Variants in MYH15 observed in about 807,000 individuals in gnomAD.
The protein encoded by MYH15 is myosin heavy chain 15.
In MYH15, 227 loss-of-function variants were observed where a neutral mutation model predicts 240.5. The ratio of observed to expected loss-of-function variants is 0.94; its 90% CI spans 0.85 to 1.05. The LOEUF (loss-of-function observed/expected upper bound fraction) is 1.05. MYH15 is among the 50% of genes least tolerant of loss of function. The pLI, the probability that MYH15 is intolerant of heterozygous loss-of-function variation, is 0.00. For missense variants in MYH15, 2,217 were observed against 2,247.5 expected (o/e 0.99, Z 0.27); for synonymous variants, 785 against 796.7 (o/e 0.99, Z 0.25).
intron 32 of MYH15, among the ~76,000 whole-genome samples, chr3:108,407,381 T>C (rs1576213807): frequency 6.6e-6 from 1 of 152,198 alleles, no homozygotes; most frequent in Admixed American, 6.5e-5. Flanking sequence ...TGTATTTTAA[T>C]GTGTCTGAAT....
intron 16 of MYH15, among the ~76,000 whole-genome samples, chr3:108,462,457 AG>A (rs1191907775): frequency 1.3e-5 from 2 of 151,932 alleles, no homozygotes; most frequent in Non-Finnish European, 2.9e-5. Context: ...TCCTGTGAGA[AG>A]TTAAGTAGGA....
chr3:108,383,743 A>AAC lies in MYH15; in HGVS notation c.5632-15_5632-14insGT, dbSNP rs766510245. Reference sequence around the variant, plus strand: ...GGCTTGTGTTTCCTATAAAAATAAAAAAAAAAAAAAAGAAATCTCCATGCC... The same window carrying AAC: ...GGCTTGTGTTTCCTATAAAAATAAAAACAAAAAAAAAAAGAAATCTCCATGCC... On this transcript the variant is annotated splice_polypyrimidine_tract_variant and intron_variant, in intron 39 of 40. Transcript: ENST00000693548. 12 of 1,530,154 alleles carry AAC rather than the reference A, an allele frequency of 7.8e-6. No homozygotes were observed. Among genetic ancestry groups the AAC allele is most frequent in the African/African-American group, 6.0e-5 (4 of 66,654 alleles). The allele number at this position is 1,530,154 out of a possible 1,614,324, so 94.8% of individuals were successfully genotyped here. A position where few individuals can be genotyped will look rare whatever the true frequency, so the allele number is the denominator to read the frequency against.
upstream of MYH15, among the ~76,000 whole-genome samples, chr3:108,534,017 T>C (rs1020463034): frequency 3.3e-5 from 5 of 152,202 alleles, no homozygotes; most frequent in African/African-American, 4.8e-5. Flanking sequence ...CTTAAAACGA[T>C]TGACTTATAC....
intron 39 of MYH15, 75 bp from the exon 40 acceptor site, chr3:108,383,804 T>C: frequency 8.6e-7 from 1 of 1,168,162 alleles, no homozygotes; most frequent in South Asian, 1.7e-5. Flanking sequence ...TGCTCTGACA[T>C]GAGAAAGTTG....
chr3:108,437,958 A>G (rs531385291), intron 24 of MYH15, among the ~76,000 whole-genome samples: 1 of 152,328 alleles, frequency 6.6e-6, no homozygotes, highest in South Asian at 2.1e-4. Flanking sequence ...CCAACAAGAA[A>G]TGGCCAGTGA....
chr3:108,461,452 A>G lies in MYH15; in HGVS notation c.1865-1085T>C, dbSNP rs566143173. ...TCAGATCCGTCAGAAACTTGGAGGC[A>G]AGTATTTTCAGAGGGTGCTTAAAGA... On this transcript the variant is annotated intron_variant, in intron 16 of 40. Coordinates refer to ENST00000693548, the MANE Select transcript of MYH15 (RefSeq NM_014981.3). 3.3e-5 allele frequency among the ~76,000 whole-genome samples: 5 copies of G among 152,284 alleles called. No individual in the cohort carries two copies. In the East Asian group the frequency reaches 9.6e-4, roughly 29 times the overall value.
At chr3:108,383,452 G>A (rs1043926732) in intron 40 of MYH15, 143 bp downstream of exon 40, 5 of 838,478 alleles carry the variant, frequency 6.0e-6, no homozygotes, top group Non-Finnish European at 8.7e-6. Context: ...AACATGGGAA[G>A]ATTTTATTGG....
intron 7 of MYH15, among the ~76,000 whole-genome samples, chr3:108,494,830 T>A (rs977088263): frequency 5.9e-5 from 9 of 152,288 alleles, no homozygotes; most frequent in African/African-American, 2.2e-4. Flanking sequence ...GCTTTCTTCC[T>A]TTTATTTTTT....
At chr3:108,454,419 AGGGAACCT>A (rs1407798310) in intron 20 of MYH15, among the ~76,000 whole-genome samples, 1 of 152,160 alleles carries the variant, frequency 6.6e-6, no homozygotes, top group East Asian at 1.9e-4. Flanking sequence ...TCAATTGTTT[AGGGAACCT>A]GGTTTAAGTT....
At chr3:108,501,953 A>G in intron 2 of MYH15, 98 bp from the exon 3 acceptor site, 1 of 1,328,236 alleles carries the variant, frequency 7.5e-7, no homozygotes, top group South Asian at 1.3e-5. Flanking sequence ...AAAAAGAAAA[A>G]ATGATGCCTC....
upstream of MYH15, among the ~76,000 whole-genome samples, chr3:108,513,044 T>C (rs531462158): frequency 6.6e-6 from 1 of 152,164 alleles, no homozygotes; most frequent in African/African-American, 2.4e-5. Context: ...GTTGCACATA[T>C]GGCTTTACAA....
chr3:108,408,406 T>C lies in MYH15; in HGVS notation c.4496-2A>G, dbSNP rs369867115. 1 of 1,607,418 alleles carries C rather than the reference T, an allele frequency of 6.2e-7. No homozygotes were observed. Among genetic ancestry groups the C allele is most frequent in the South Asian group, 1.1e-5 (1 of 89,690 alleles). On this transcript the variant is annotated splice_acceptor_variant, in intron 31 of 40. Transcript: ENST00000693548. LOFTEE classifies it high-confidence loss of function. ...GGTTTGTCAGATTAGAAATCTCTTCTGGAGACAGAGGTAAGAAAAACAAAG... is the reference window on the plus strand; with the variant it reads ...GGTTTGTCAGATTAGAAATCTCTTCCGGAGACAGAGGTAAGAAAAACAAAG...
upstream of MYH15, among the ~76,000 whole-genome samples, chr3:108,511,143 T>C (rs2603139): frequency 0.15 from 23,167 of 151,836 alleles, 2,186 homozygotes; most frequent in Non-Finnish European, 0.22. Context: ...TCGAGGTATC[T>C]AATTACCCCC....
intron 35 of MYH15, among the ~76,000 whole-genome samples, chr3:108,397,969 T>C (rs1389220809): frequency 1.3e-5 from 2 of 152,162 alleles, no homozygotes; most frequent in Non-Finnish European, 2.9e-5. Context: ...CTTATTGTTA[T>C]GGGTTGAATT....
intron 2 of MYH15, among the ~76,000 whole-genome samples, 165 bp from the exon 3 acceptor site, chr3:108,502,020 T>C (rs73207936): frequency 5.5e-4 from 84 of 152,170 alleles, no homozygotes; most frequent in Non-Finnish European, 1.1e-3. Context: ...AAACAGGTGT[T>C]CTCCCTGAAA....
the MYH15 span, among the ~76,000 whole-genome samples, chr3:108,534,859 T>C: frequency 6.6e-6 from 1 of 151,968 alleles, no homozygotes; most frequent in African/African-American, 2.4e-5. Context: ...CTAGCCAGGG[T>C]GAGAGTGAAA....
chr3:108,414,364 T>C lies in MYH15; in HGVS notation c.4013A>G (p.Gln1338Arg). 1 of 1,614,208 alleles carries C rather than the reference T, an allele frequency of 6.2e-7. No individual in the cohort carries two copies. Among genetic ancestry groups the C allele is most frequent in the Non-Finnish European group, 8.5e-7 (1 of 1,180,038 alleles). Reference sequence around the variant, plus strand: ...CTTGACCTCTTGTTCTTCCTCATACTGCTCTCGTAGAAGGTCACAGTCACG... The same window carrying C: ...CTTGACCTCTTGTTCTTCCTCATACCGCTCTCGTAGAAGGTCACAGTCACG... ...AQRDCDLLRE[Q>R]YEEEQEVKAE... The change falls in exon 30 of 41, where the codon CAG becomes CGG. Residue 1338 changes from glutamine to arginine, a missense_variant. Physicochemically the swap from Gln to Arg is conservative, Grantham distance 43. Transcript: ENST00000693548.
chr3:108,398,914 G>A (rs1049816471), intron 34 of MYH15, 74 bp from the exon 35 acceptor site: 13 of 1,485,318 alleles, frequency 8.8e-6, no homozygotes, highest in Middle Eastern at 2.0e-4. Context: ...ACACATGCAT[G>A]ATCTGACTAT....
chr3:108,456,979 G>A, intron 18 of MYH15, 96 bp from the exon 19 acceptor site: 2 of 858,430 alleles, frequency 2.3e-6, no homozygotes, highest in Non-Finnish European at 3.8e-6. Flanking sequence ...TAAAAAGAAA[G>A]TCTGAATTGG....
Sources: allele counts gnomAD v4.1 joint callset (sites outside exome capture counted in the v4.1 genomes callset), GRCh38; gene constraint gnomAD v4.1.1; transcripts MANE v1.5; gene names NCBI Gene and HGNC (gene_info 2026-07-23, HGNC 2026-07-21).